The following POLR3F variants were observed in gnomAD, a reference collection of about 807,000 sequenced individuals.
POLR3F encodes the protein RNA polymerase III subunit F, also known as DNA-directed RNA polymerase III subunit RPC6.
In POLR3F, 31 loss-of-function variants were observed where a neutral mutation model predicts 43.6. That is an observed-to-expected ratio of 0.71 (90% CI 0.53 to 0.96). POLR3F has a LOEUF of 0.96. Ranked by LOEUF, POLR3F falls within the 40% of genes least tolerant of loss-of-function variation. The pLI, the probability that POLR3F is intolerant of heterozygous loss-of-function variation, is 0.00. For synonymous variants in POLR3F, 114 were observed against 132.5 expected (o/e 0.86, Z 0.96); for missense variants, 316 against 391.7 (o/e 0.81, Z 1.63).
chr20:18,480,691 G>A (rs528043846), intron 7 of POLR3F, among the ~76,000 whole-genome samples, 182 bp downstream of exon 7: 1 of 152,226 alleles, frequency 6.6e-6, no homozygotes, highest in Admixed American at 6.5e-5. Context: ...CTGCCATTGG[G>A]CATTGTCTGA....
At chr20:18,472,962 T>C in intron 3 of POLR3F, 53 bp downstream of exon 3, 1 of 836,460 alleles carries the variant, frequency 1.2e-6, no homozygotes, top group East Asian at 2.5e-5. Context: ...TGCAAACGTA[T>C]GTGTTGGGAA....
intron 6 of POLR3F, 44 bp downstream of exon 6, chr20:18,480,225 A>G (rs767241283): frequency 1.3e-6 from 2 of 1,537,334 alleles, no homozygotes; most frequent in Non-Finnish European, 1.8e-6. Context: ...CCTCTTGTAA[A>G]AAGTTTTTCA....
rs1460520926 is a variant in POLR3F, at chr20:18,472,568, T to C, written c.181-274T>C. Among the ~76,000 whole-genome samples the C allele has an allele frequency of 4.0e-5, 6 of 151,646 alleles. No homozygotes were observed. In the East Asian group the frequency reaches 1.2e-3, roughly 29 times the overall value. On this transcript the variant is annotated intron_variant, in intron 2 of 8. Coordinates refer to ENST00000377603, the MANE Select transcript of POLR3F (RefSeq NM_006466.4). Reference sequence around the variant, plus strand: ...TTCAACTTTTTATTTATATAAATTATATTTTTATTTTATATATGTAATTTG... The same window carrying C: ...TTCAACTTTTTATTTATATAAATTACATTTTTATTTTATATATGTAATTTG...
chr20:18,473,999 A>T (rs1221965651), intron 4 of POLR3F, among the ~76,000 whole-genome samples: 1 of 152,140 alleles, frequency 6.6e-6, no homozygotes, highest in Non-Finnish European at 1.5e-5. Context: ...GATCTATTTG[A>T]GTCATTGATA....
At chr20:18,469,313 T>C in intron 2 of POLR3F, 2 of 382,220 alleles carry the variant, frequency 5.2e-6, no homozygotes, top group South Asian at 7.4e-5. Context: ...AGGGCCTAAA[T>C]AGAACAAAGT....
In POLR3F at chr20:18,472,835, A is replaced by G. The variant is rs756496498; in HGVS notation, c.181-7A>G. On this transcript the variant is annotated splice_region_variant and splice_polypyrimidine_tract_variant and intron_variant, in intron 2 of 8. Coordinates refer to ENST00000377603, the MANE Select transcript of POLR3F (RefSeq NM_006466.4). ...TGACTCCTGTTTTCTACTGTCTTAA[A>G]AACTAGGGTCAGTTGGATCTCTTAA... The G allele has an allele frequency of 4.4e-6, 6 of 1,357,318 alleles. No individual in the cohort carries two copies. Among genetic ancestry groups the G allele is most frequent in the Non-Finnish European group, 6.1e-6 (6 of 977,734 alleles). The allele number at this position is 1,357,318 out of a possible 1,614,324, so 84.1% of individuals were successfully genotyped here.
At chr20:18,472,818 G>C (rs767915509) in intron 2 of POLR3F, 24 bp from the exon 3 acceptor site, 34 of 1,121,050 alleles carry the variant, frequency 3.0e-5, no homozygotes, top group Non-Finnish European at 4.4e-5. Context: ...ACTGACTCCT[G>C]TTTTCTACTG....
At chr20:18,478,185 G>A (rs2059790263) in intron 5 of POLR3F, among the ~76,000 whole-genome samples, 1 of 151,516 alleles carries the variant, frequency 6.6e-6, no homozygotes, top group African/African-American at 2.4e-5. Context: ...TTATTTCCTA[G>A]GAAAAAGGGA....
At chr20:18,472,427 A>G (rs1202505912) in intron 2 of POLR3F, among the ~76,000 whole-genome samples, 2 of 152,036 alleles carry the variant, frequency 1.3e-5, no homozygotes, top group African/African-American at 4.8e-5. Context: ...CAAATGGACC[A>G]CCTGCCTTGA....
At chr20:18,473,324 T>G in intron 3 of POLR3F, 67 bp from the exon 4 acceptor site, 1 of 697,438 alleles carries the variant, frequency 1.4e-6, no homozygotes. Flanking sequence ...TTTGTTTAAG[T>G]AGTGATGTAG....
chr20:18,477,216 G>C (rs1008720222), intron 5 of POLR3F, among the ~76,000 whole-genome samples: 1 of 151,928 alleles, frequency 6.6e-6, no homozygotes, highest in Admixed American at 6.6e-5. Context: ...TTTCATTAGA[G>C]AACTGCAAAT....
At chr20:18,471,705 G>A (rs1481605384) in intron 2 of POLR3F, among the ~76,000 whole-genome samples, 4 of 152,274 alleles carry the variant, frequency 2.6e-5, no homozygotes, top group South Asian at 2.1e-4. Context: ...GGAATGGGCT[G>A]GGCACAGTGG....
chr20:18,475,837 A>G (rs140497492), intron 5 of POLR3F, among the ~76,000 whole-genome samples: 131 of 152,328 alleles, frequency 8.6e-4, no homozygotes, highest in African/African-American at 3.1e-3. Flanking sequence ...ATCCGCTTAC[A>G]TATGTTGCTT....
intron 3 of POLR3F, 111 bp downstream of exon 3, chr20:18,473,020 C>A: frequency 2.0e-6 from 1 of 505,738 alleles, no homozygotes; most frequent in Non-Finnish European, 3.5e-6. Flanking sequence ...ATCATCCCTG[C>A]CTCCTATGAT....
At chr20:18,472,097 A>G (rs2059755996) in intron 2 of POLR3F, among the ~76,000 whole-genome samples, 1 of 152,244 alleles carries the variant, frequency 6.6e-6, no homozygotes, top group Non-Finnish European at 1.5e-5. Flanking sequence ...ACCCAAGGAA[A>G]TTCAGGAGCA....
At chr20:18,467,802 C>T in intron 1 of POLR3F, 2 of 782,962 alleles carry the variant, frequency 2.6e-6, no homozygotes, top group South Asian at 1.9e-5. Context: ...TGGCTTTGCC[C>T]TGATACTTTT....
At position 18,484,424 on chromosome 20, in the gene POLR3F, G is replaced by A; in HGVS notation, c.*866G>A. On this transcript the variant is annotated 3_prime_UTR_variant, in exon 9 of 9. Transcript: ENST00000377603. ...TATTTGGAGGTGGGGCTTTTGGTAA[G>A]TGATAGGTCAGGAGAGTAACAGCGC... is the stretch of plus-strand genomic sequence containing the variant. The A allele has an allele frequency of 3.3e-6, 1 of 304,032 alleles. No individual in the cohort carries two copies. Among genetic ancestry groups the A allele is most frequent in the East Asian group, 5.0e-5 (1 of 20,194 alleles). The allele number at this position is 304,032 out of a possible 1,614,324, so 18.8% of individuals were successfully genotyped here.
At position 18,483,679 on chromosome 20, in the gene POLR3F, TTGC is replaced by T. The variant is rs1197999417; in HGVS notation, c.*126_*128del. ...AAACTTCACAATAATGGACGTAGAC[TTGC>T]TGCTATGAAAACATATTTTTTTTAT... is the stretch of plus-strand genomic sequence containing the variant. On this transcript the variant is annotated 3_prime_UTR_variant, in exon 9 of 9. Transcript: ENST00000377603. The T allele has an allele frequency of 6.5e-6, 3 of 459,960 alleles. No homozygotes were observed. Among genetic ancestry groups the T allele is most frequent in the African/African-American group, 2.0e-5 (1 of 49,536 alleles). The allele number at this position is 459,960 out of a possible 1,614,324, so 28.5% of individuals were successfully genotyped here.
rs1327308818 is a variant in POLR3F, at chr20:18,480,187, G to T, written c.573+6G>T. On this transcript the variant is annotated splice_donor_region_variant and intron_variant, in intron 6 of 8. Transcript: ENST00000377603. Reference sequence around the variant, plus strand: ...TTAAATTCCTACAGTCCAAGGTGAGGTATGATTGAGGAAACATCACTGCAA... The same window carrying T: ...TTAAATTCCTACAGTCCAAGGTGAGTTATGATTGAGGAAACATCACTGCAA... 6.2e-7 allele frequency: 1 copy of T among 1,607,190 alleles called. No individual in the cohort carries two copies. Among genetic ancestry groups the T allele is most frequent in the Non-Finnish European group, 8.5e-7 (1 of 1,175,538 alleles).
Sources: allele counts gnomAD v4.1 joint callset (sites outside exome capture counted in the v4.1 genomes callset), GRCh38; gene constraint gnomAD v4.1.1; transcripts MANE v1.5; gene names NCBI Gene and HGNC (gene_info 2026-07-23, HGNC 2026-07-21).